COL19A1: variants seen among roughly 807,000 people sequenced by gnomAD.
COL19A1 encodes the protein collagen alpha-1(XIX) chain.
Under a neutral mutation model 190.2 loss-of-function variants are expected in COL19A1, and 159 were observed. The ratio of observed to expected loss-of-function variants is 0.84; its 90% confidence interval spans 0.73 to 0.95. The LOEUF (loss-of-function observed/expected upper bound fraction) is 0.95, where lower values mean the gene tolerates loss of function less well. Among genes scored for constraint, COL19A1 ranks in the 40% least tolerant of loss-of-function variants. The pLI, the probability that COL19A1 is intolerant of heterozygous loss-of-function variation, is 0.00. For missense variants in COL19A1, 1,418 were observed against 1,431.9 expected (o/e 0.99, Z 0.16); for synonymous variants, 509 against 458.9 (o/e 1.11, Z -1.39).
intron 14 of COL19A1, among the ~76,000 whole-genome samples, chr6:70,044,989 T>G (rs1248258504): frequency 6.6e-6 from 1 of 152,168 alleles, no homozygotes; most frequent in East Asian, 1.9e-4. Flanking sequence ...CATGTTTTCC[T>G]TCCTGTCCTT....
intron 2 of COL19A1, among the ~76,000 whole-genome samples, chr6:69,893,913 G>A (rs1769538540): frequency 6.6e-6 from 1 of 152,078 alleles, no homozygotes; most frequent in African/African-American, 2.4e-5. Context: ...TCAACCAATT[G>A]TCAACCAGAA....
At chr6:70,095,777 A>G (rs1486006482) in intron 15 of COL19A1, among the ~76,000 whole-genome samples, 1 of 152,164 alleles carries the variant, frequency 6.6e-6, no homozygotes, top group African/African-American at 2.4e-5. Flanking sequence ...TATAAATGGA[A>G]TCATAGAGTA....
At chr6:69,928,211 C>T (rs779144413) in intron 5 of COL19A1, among the ~76,000 whole-genome samples, 179 bp downstream of exon 5, 3 of 151,814 alleles carry the variant, frequency 2.0e-5, no homozygotes, top group Non-Finnish European at 4.4e-5. Context: ...TGCTGAGATC[C>T]ATAATATGAG....
intron 4 of COL19A1, among the ~76,000 whole-genome samples, chr6:69,900,575 C>G (rs1023089688): frequency 6.6e-6 from 1 of 151,784 alleles, no homozygotes; most frequent in Non-Finnish European, 1.5e-5. Context: ...CATTAGAGAA[C>G]AGTAATTAAA....
At chr6:69,883,172 C>CATGTGGAAATACTTGGCATGTGG (rs1768679098) in intron 2 of COL19A1, among the ~76,000 whole-genome samples, 1 of 152,112 alleles carries the variant, frequency 6.6e-6, no homozygotes, top group South Asian at 2.1e-4. Flanking sequence ...GAAGAAATAG[C>CATGTGGAAATACTTGGCATGTGG]AAGAAAAACT....
chr6:69,867,663 G>A, intron 1 of COL19A1: 1 of 152,302 alleles, frequency 6.6e-6, no homozygotes, highest in South Asian at 2.1e-4. Flanking sequence ...TAGAGGTTAC[G>A]GAGGGAGCGG....
At chr6:69,954,162 A>C (rs1192551700) in intron 9 of COL19A1, among the ~76,000 whole-genome samples, 1 of 151,988 alleles carries the variant, frequency 6.6e-6, no homozygotes, top group Non-Finnish European at 1.5e-5. Context: ...CTCAAAACAC[A>C]TGCATTTTTT....
chr6:69,933,391 G>A (rs904890655), intron 7 of COL19A1, among the ~76,000 whole-genome samples: 12 of 152,036 alleles, frequency 7.9e-5, no homozygotes, highest in African/African-American at 2.7e-4. Flanking sequence ...GAATAAGTCT[G>A]AGTCACTGCT....
At chr6:70,022,894 C>G (rs890357533) in intron 11 of COL19A1, among the ~76,000 whole-genome samples, 9 of 152,084 alleles carry the variant, frequency 5.9e-5, no homozygotes, top group Non-Finnish European at 2.9e-5. Flanking sequence ...TAGCATTACA[C>G]TCTACATTTA....
intron 42 of COL19A1, among the ~76,000 whole-genome samples, chr6:70,176,828 A>C (rs775140620): frequency 3.3e-5 from 5 of 152,204 alleles, no homozygotes; most frequent in Non-Finnish European, 7.3e-5. Flanking sequence ...CACAGTTACT[A>C]TACATTAATT....
At chr6:70,059,973 A>G (rs567890430) in intron 14 of COL19A1, among the ~76,000 whole-genome samples, 8 of 152,320 alleles carry the variant, frequency 5.3e-5, no homozygotes, top group African/African-American at 1.9e-4. Context: ...GTACAAAGAT[A>G]ATTAAGACTA....
intron 2 of COL19A1, among the ~76,000 whole-genome samples, chr6:69,894,460 T>C (rs1769579905): frequency 6.6e-6 from 1 of 152,244 alleles, no homozygotes; most frequent in Non-Finnish European, 1.5e-5. Context: ...TCTAAGGCTT[T>C]TTTAATTTCT....
At chr6:69,869,809 T>A (rs1030487647) in intron 1 of COL19A1, among the ~76,000 whole-genome samples, 2 of 152,180 alleles carry the variant, frequency 1.3e-5, no homozygotes, top group Non-Finnish European at 2.9e-5. Context: ...GAGAATAGGT[T>A]AAGTGTGCTC....
chr6:70,058,931 A>G (rs1261852581), intron 14 of COL19A1, among the ~76,000 whole-genome samples: 1 of 151,990 alleles, frequency 6.6e-6, no homozygotes, highest in Non-Finnish European at 1.5e-5. Context: ...AGAACAATTC[A>G]TTTTCAAGAG....
At chr6:70,009,058 C>T (rs144017242) in intron 11 of COL19A1, among the ~76,000 whole-genome samples, 2 of 151,926 alleles carry the variant, frequency 1.3e-5, no homozygotes, top group Non-Finnish European at 2.9e-5. Flanking sequence ...TTATCTTTCA[C>T]TTAATGGTGA....
intron 9 of COL19A1, among the ~76,000 whole-genome samples, chr6:69,943,322 AT>A (rs1773591039): frequency 1.3e-5 from 2 of 152,046 alleles, no homozygotes; most frequent in African/African-American, 4.8e-5. Context: ...TGTCAGATGA[AT>A]ACCTTGCAAA....
At position 70,168,659 on chromosome 6, in the gene COL19A1, C is replaced by T; in HGVS notation, c.2546C>T (p.Pro849Leu). ...CTTTCCATGTTTCTCTTACAGGGCCCAAAAGGCGATCCTGGCCCAGTGGTA... is the reference window on the plus strand; with the variant it reads ...CTTTCCATGTTTCTCTTACAGGGCCTAAAAGGCGATCCTGGCCCAGTGGTA... ...SYPGPPGPPGPKGDPGPVGEP... is the reference protein window; with the variant it reads ...SYPGPPGPPGLKGDPGPVGEP... Residue 849 changes from proline (P) to leucine (L), a missense_variant, in exon 40 of 51, where the codon CCA becomes CTA. Transcript: ENST00000620364. 6.2e-7 allele frequency: 1 copy of T among 1,612,640 alleles called. No individual in the cohort carries two copies. The highest frequency in any genetic ancestry group is 1.1e-5 in the South Asian group (1 of 90,842).
At chr6:70,073,020 T>C (rs1396693644) in intron 15 of COL19A1, among the ~76,000 whole-genome samples, 1 of 150,942 alleles carries the variant, frequency 6.6e-6, no homozygotes, top group East Asian at 1.9e-4. Context: ...AGAGTTTTGC[T>C]CTTGTTGCCC....
intron 15 of COL19A1, among the ~76,000 whole-genome samples, chr6:70,094,692 C>T (rs1031909765): frequency 3.3e-5 from 5 of 152,274 alleles, no homozygotes; most frequent in Admixed American, 2.6e-4. Flanking sequence ...TTAAGATACA[C>T]GTTCTCTGAC....
Sources: allele counts gnomAD v4.1 joint callset (sites outside exome capture counted in the v4.1 genomes callset), GRCh38; gene constraint gnomAD v4.1.1; transcripts MANE v1.5; gene names NCBI Gene and HGNC (gene_info 2026-07-23, HGNC 2026-07-21).